The following SRPRA variants were observed in gnomAD, a reference collection of about 807,000 sequenced individuals.
The protein encoded by SRPRA is signal recognition particle receptor subunit alpha.
A neutral mutation model predicts 61.1 loss-of-function variants in SRPRA; 30 were observed. That is an observed-to-expected ratio of 0.49 (90% CI 0.37 to 0.67). The LOEUF (loss-of-function observed/expected upper bound fraction) is 0.67, where lower values mean the gene tolerates loss of function less well. Ranked by LOEUF, SRPRA falls within the 30% of genes least tolerant of loss-of-function variation. SRPRA has a pLI of 0.00. For synonymous variants in SRPRA, 324 were observed against 299.7 expected (o/e 1.08, Z -0.84); for missense variants, 759 against 828.4 (o/e 0.92, Z 1.03).
In SRPRA at chr11:126,267,082, A is replaced by C; in HGVS notation, c.526+93T>G. The stretch of plus-strand genomic sequence containing the variant: ...GATGGTGACCATTTGAGTGAGAAGC[A>C]GGTAAGCAATGACAAAAGGAAGGAC... On this transcript the variant is annotated intron_variant, in intron 4 of 13. Transcript: ENST00000332118. This position sits in a 1 kb window ranked among gnomAD's most constrained non-coding sequence, Gnocchi z 4.2. 2 of 1,541,290 alleles carry C rather than the reference A, an allele frequency of 1.3e-6. No homozygotes were observed. The highest frequency in any genetic ancestry group is 2.4e-5 in the South Asian group (2 of 82,474).
chr11:126,256,522 G>A, the SRPRA span: 2 of 1,582,918 alleles, frequency 1.3e-6, no homozygotes, highest in Non-Finnish European at 1.7e-6. This position sits in a 1 kb window ranked among gnomAD's most constrained non-coding sequence, Gnocchi z 6.6. Context: ...GACTTGCCTT[G>A]AGTGTGTCTT....
chr11:126,242,427 C>G, the SRPRA span, among the ~76,000 whole-genome samples: 2 of 147,814 alleles, frequency 1.4e-5, no homozygotes, highest in Non-Finnish European at 3.0e-5. Flanking sequence ...CTGTCTCTAC[C>G]AAAAGAAAAA....
At chr11:126,245,998 A>G in the SRPRA span, among the ~76,000 whole-genome samples, 2 of 147,506 alleles carry the variant, frequency 1.4e-5, no homozygotes, top group Admixed American at 6.8e-5. Flanking sequence ...CTCCGTCCCA[A>G]AAAAAAAAAA....
In SRPRA at chr11:126,268,833, G is replaced by A; in HGVS notation, c.-29C>T. The A allele has an allele frequency of 1.3e-6, 2 of 1,585,872 alleles. No individual in the cohort carries two copies. Among genetic ancestry groups the A allele is most frequent in the South Asian group, 1.1e-5 (1 of 90,462 alleles). On this transcript the variant is annotated 5_prime_UTR_variant, in exon 1 of 14. Coordinates refer to ENST00000332118, the MANE Select transcript of SRPRA (RefSeq NM_003139.4). Reference sequence around the variant, plus strand: ...GGCAGCGGCAGAGGAGCTGGGGCCGGCGCCGGGAATTCAGGCCGCGTTCGC... The same window carrying A: ...GGCAGCGGCAGAGGAGCTGGGGCCGACGCCGGGAATTCAGGCCGCGTTCGC...
At chr11:126,259,437 T>G (rs1291487998), downstream of SRPRA, among the ~76,000 whole-genome samples, 1 of 150,846 alleles carries the variant, frequency 6.6e-6, no homozygotes, top group Admixed American at 6.6e-5. Flanking sequence ...TTTTTTTTTT[T>G]TTTTTTTGAG....
chr11:126,236,188 G>C, the SRPRA span, among the ~76,000 whole-genome samples: 1 of 152,270 alleles, frequency 6.6e-6, no homozygotes, highest in Admixed American at 6.5e-5. Flanking sequence ...TTCTCTGTTT[G>C]CTGGATCTCA....
the SRPRA span, among the ~76,000 whole-genome samples, chr11:126,245,823 C>G: frequency 1.3e-5 from 2 of 151,932 alleles, no homozygotes; most frequent in Admixed American, 6.6e-5. Context: ...ATGGTGAAAC[C>G]CCATCTCTAA....
chr11:126,262,280 A>T, downstream of SRPRA: 1 of 639,328 alleles, frequency 1.6e-6, no homozygotes, highest in Non-Finnish European at 2.7e-6. Flanking sequence ...AGAGGGGGGA[A>T]TGTTGCAGCG....
In SRPRA at chr11:126,264,906, C is replaced by A. The variant is rs1950775911; in HGVS notation, c.1525+53G>T. On this transcript the variant is annotated intron_variant, in intron 11 of 13. Transcript: ENST00000332118. This position sits in a 1 kb window ranked among gnomAD's most constrained non-coding sequence, Gnocchi z 5.0. Reference sequence around the variant, plus strand: ...GATCTTCTGCAAATTCCAAGAGAACCCAAGGAGAAAAAGGGACCCCAAATA... The same window carrying A: ...GATCTTCTGCAAATTCCAAGAGAACACAAGGAGAAAAAGGGACCCCAAATA... 2 of 1,531,926 alleles carry A rather than the reference C, an allele frequency of 1.3e-6. No homozygotes were observed. Among genetic ancestry groups the A allele is most frequent in the South Asian group, 2.4e-5 (2 of 84,542 alleles). The allele number at this position is 1,531,926 out of a possible 1,614,324, so 94.9% of individuals were successfully genotyped here. A position where few individuals can be genotyped will look rare whatever the true frequency, so the allele number is the denominator to read the frequency against.
At chr11:126,261,442 G>GTC (rs748325604), downstream of SRPRA, 4 of 1,613,950 alleles carry the variant, frequency 2.5e-6, no homozygotes, top group South Asian at 4.4e-5. Flanking sequence ...GGTGAGAGAA[G>GTC]GTCAGCTAAA....
At chr11:126,256,054 C>T in the SRPRA span, among the ~76,000 whole-genome samples, 4 of 151,506 alleles carry the variant, frequency 2.6e-5, no homozygotes, top group Non-Finnish European at 5.9e-5. This position sits in a 1 kb window ranked among gnomAD's most constrained non-coding sequence, Gnocchi z 6.6. Flanking sequence ...GTGGATCACT[C>T]GAGGTCGGGA....
chr11:126,256,911 G>A, the SRPRA span: 1 of 1,517,534 alleles, frequency 6.6e-7, no homozygotes, highest in Admixed American at 2.0e-5. This position sits in a 1 kb window ranked among gnomAD's most constrained non-coding sequence, Gnocchi z 6.6. Context: ...AGCCTTTTGT[G>A]TATTTGTGAT....
chr11:126,243,898 C>T, the SRPRA span, among the ~76,000 whole-genome samples: 10 of 133,620 alleles, frequency 7.5e-5, no homozygotes, highest in African/African-American at 1.7e-4. Context: ...AGCAAGACTC[C>T]GTCTCAAAAA....
chr11:126,236,875 T>A, the SRPRA span, among the ~76,000 whole-genome samples: 1 of 151,708 alleles, frequency 6.6e-6, no homozygotes, highest in African/African-American at 2.4e-5. Context: ...GTCTTTTTGT[T>A]TGTTCATTTT....
chr11:126,254,505 T>G, the SRPRA span: 31 of 1,572,314 alleles, frequency 2.0e-5, no homozygotes, highest in Non-Finnish European at 2.2e-5. Context: ...CCATAGATCT[T>G]AAAGGGGAAC....
chr11:126,266,338 C>A (rs537219176), intron 6 of SRPRA, 60 bp from the exon 7 acceptor site: 5 of 1,597,838 alleles, frequency 3.1e-6, no homozygotes, highest in East Asian at 2.2e-5. Flanking sequence ...AGGAAAACGT[C>A]CACATTGCTC....
At chr11:126,259,425 C>CT (rs397945854), downstream of SRPRA, among the ~76,000 whole-genome samples, 25,016 of 129,360 alleles carry the variant, frequency 0.19, 2,942 homozygotes, top group South Asian at 0.31. Context: ...CGTTGTGGTA[C>CT]TTTTTTTTTT....
chr11:126,256,659 G>T, the SRPRA span: 1 of 1,614,204 alleles, frequency 6.2e-7, no homozygotes, highest in Non-Finnish European at 8.5e-7. This position sits in a 1 kb window ranked among gnomAD's most constrained non-coding sequence, Gnocchi z 6.6. Context: ...CCCTTTTCTT[G>T]GAGGCTGTCA....
Position 126,267,366 on chromosome 11 carries a change from T to A in SRPRA, c.366-31A>T, listed in dbSNP as rs754374137. ...CAAAAAGGAGAATGGTTTATCTTTC[T>A]ACCCCATGCAGAAGGAAAAATAACG... On this transcript the variant is annotated intron_variant, in intron 3 of 13. Transcript: ENST00000332118. This position sits in a 1 kb window ranked among gnomAD's most constrained non-coding sequence, Gnocchi z 4.2. 64 of 1,608,998 alleles carry A rather than the reference T, an allele frequency of 4.0e-5. No individual in the cohort carries two copies. The South Asian group carries it at 5.6e-4, about 14-fold the overall frequency.
Sources: gnomAD v4.1 joint callset for allele counts (sites outside exome capture counted in the v4.1 genomes callset) on GRCh38, gnomAD v4.1.1 for gene constraint, Gnocchi (gnomAD v3.1) non-coding constraint, MANE v1.5 for transcripts, NCBI Gene and HGNC (gene_info 2026-07-23, HGNC 2026-07-21) for gene names.